The following LGI2 variants were observed in gnomAD, a reference collection of about 807,000 sequenced individuals.
LGI2 encodes leucine-rich repeat LGI family member 2.
Under a neutral mutation model 52.0 loss-of-function variants are expected in LGI2, and 30 were observed. The ratio of observed to expected loss-of-function variants is 0.58; its 90% CI spans 0.43 to 0.78. LGI2 has a LOEUF of 0.78. Ranked by LOEUF, LGI2 falls within the 30% of genes least tolerant of loss-of-function variation. The pLI, the probability that LGI2 is intolerant of heterozygous loss-of-function variation, is 0.00. For synonymous variants in LGI2, 270 were observed against 271.8 expected (o/e 0.99, Z 0.06); for missense variants, 573 against 692.5 (o/e 0.83, Z 1.94).
downstream of LGI2, among the ~76,000 whole-genome samples, chr4:24,997,148 C>A (rs1438831586): frequency 1.3e-5 from 2 of 152,194 alleles, no homozygotes; most frequent in East Asian, 3.8e-4. Context: ...GCCAATTAGA[C>A]CCTGGTTAGG....
chr4:25,015,654 G>A (rs1725733624), intron 6 of LGI2, among the ~76,000 whole-genome samples: 1 of 152,158 alleles, frequency 6.6e-6, no homozygotes, highest in South Asian at 2.1e-4. Flanking sequence ...ACTGTACCAT[G>A]AACTCTCGAC....
Position 24,999,517 on chromosome 4 carries a change from G to T in LGI2, c.*3934C>A. ...TTCCACTCCAGGAAGCTGTTGAACA[G>T]AATCTTTGGCCGCTGCCTAATTAAA... On this transcript the variant is annotated 3_prime_UTR_variant, in exon 8 of 8. Coordinates refer to ENST00000382114, the MANE Select transcript of LGI2 (RefSeq NM_018176.4). The T allele has an allele frequency of 4.4e-6, 1 of 229,802 alleles. No individual in the cohort carries two copies. Among genetic ancestry groups the T allele is most frequent in the Non-Finnish European group, 8.6e-6 (1 of 115,882 alleles). 14.2% of individuals were successfully genotyped at this position (229,802 alleles called of 1,614,324 possible).
chr4:25,003,692 G>T lies in LGI2; in HGVS notation c.1397C>A (p.Thr466Asn). The change falls in exon 8 of 8, where the codon ACC becomes AAC. Residue 466 changes from threonine (T) to asparagine (N), a missense_variant. Transcript: ENST00000382114. ...ATCTTTAAAAGAAAAGGGCTGCAGG[G>T]TCATGGCCCCCCGGGATGGAAGAGC... ...IQALPSRGAMTLQPFSFKDNH... is the reference protein window; with the variant it reads ...IQALPSRGAMNLQPFSFKDNH... 1 of 1,614,184 alleles carries T rather than the reference G, an allele frequency of 6.2e-7. No homozygotes were observed. Among genetic ancestry groups the T allele is most frequent in the Non-Finnish European group, 8.5e-7 (1 of 1,180,034 alleles).
At chr4:25,006,113 C>T (rs1449793543) in intron 7 of LGI2, among the ~76,000 whole-genome samples, 1 of 152,204 alleles carries the variant, frequency 6.6e-6, no homozygotes, top group Admixed American at 6.5e-5. Context: ...CCATAGTGGG[C>T]ATGCATAAGT....
chr4:24,992,675 C>T, the LGI2 span, among the ~76,000 whole-genome samples: 1 of 152,136 alleles, frequency 6.6e-6, no homozygotes, highest in Non-Finnish European at 1.5e-5. Context: ...AAGAGCGAAA[C>T]TCTGTCTCAA....
At chr4:25,017,597 A>G (rs1403754989) in intron 6 of LGI2, among the ~76,000 whole-genome samples, 1 of 151,456 alleles carries the variant, frequency 6.6e-6, no homozygotes, top group Non-Finnish European at 1.5e-5. Context: ...TAAATGTCCA[A>G]TGAACATCTT....
intron 4 of LGI2, among the ~76,000 whole-genome samples, chr4:25,022,204 G>T (rs1725989196): frequency 6.6e-6 from 1 of 152,186 alleles, no homozygotes; most frequent in South Asian, 2.1e-4. Context: ...TAAAGTGCTG[G>T]CTGCATGAAG....
chr4:25,004,139 T>A lies in LGI2; in HGVS notation c.950A>T (p.Asp317Val). 1 of 1,614,160 alleles carries A rather than the reference T, an allele frequency of 6.2e-7. No individual in the cohort carries two copies. ...ESWTKFVKFQ[D>V]IEVSRISKPN... Reference sequence around the variant, plus strand: ...CTTGGAAATGCGAGAGACCTCTATGTCTTGGAATTTGACAAATTTGGTCCA... The same window carrying A: ...CTTGGAAATGCGAGAGACCTCTATGACTTGGAATTTGACAAATTTGGTCCA... The change falls in exon 8 of 8, where the codon GAC (aspartate) becomes GTC (valine). Residue 317 changes from aspartate (D) to valine (V), a missense_variant. By Grantham distance (152) the Asp-to-Val change is radical (BLOSUM62 -3). Transcript: ENST00000382114. The surrounding 1 kb of genome is among the most constrained non-coding windows in gnomAD (Gnocchi z 4.6).
chr4:25,024,915 A>C (rs761022100), intron 3 of LGI2, 24 bp from the exon 4 acceptor site: 1 of 1,526,132 alleles, frequency 6.6e-7, no homozygotes, highest in South Asian at 1.2e-5. Flanking sequence ...TTGTATAATT[A>C]AAATGAATTT....
At chr4:25,015,259 C>A (rs966828102) in intron 6 of LGI2, among the ~76,000 whole-genome samples, 1 of 152,192 alleles carries the variant, frequency 6.6e-6, no homozygotes. Context: ...TTTCTCTGTG[C>A]ATTTTCATCA....
At chr4:25,013,593 G>A (rs1725658541) in intron 6 of LGI2, among the ~76,000 whole-genome samples, 1 of 152,206 alleles carries the variant, frequency 6.6e-6, no homozygotes. Flanking sequence ...TTAGTTACAT[G>A]ACCTTTGGCA....
chr4:25,013,547 C>T (rs150785753), intron 6 of LGI2, among the ~76,000 whole-genome samples: 1 of 152,324 alleles, frequency 6.6e-6, no homozygotes, highest in African/African-American at 2.4e-5. Context: ...AGGGCTAAGG[C>T]ACTGGGATCC....
In LGI2 at chr4:25,004,850, A is replaced by G. The variant is rs1198415144; in HGVS notation, c.821-582T>C. On this transcript the variant is annotated intron_variant, in intron 7 of 7. Transcript: ENST00000382114. The surrounding 1 kb of genome is among the most constrained non-coding windows in gnomAD (Gnocchi z 4.6). ...AGCCCAAACAGACTAAGACACCTAT[A>G]ACATCATCCTTCACAATAGCCGAAA... 6.6e-6 allele frequency among the ~76,000 whole-genome samples: 1 copy of G among 152,222 alleles called. No homozygotes were observed. The highest frequency in any genetic ancestry group is 2.4e-5 in the African/African-American group (1 of 41,454).
chr4:25,013,058 C>A (rs1023035199), intron 6 of LGI2, among the ~76,000 whole-genome samples: 1 of 152,278 alleles, frequency 6.6e-6, no homozygotes, highest in Non-Finnish European at 1.5e-5. Flanking sequence ...CCCCACTGCA[C>A]GTTCAGAATG....
downstream of LGI2, among the ~76,000 whole-genome samples, chr4:24,996,570 G>A (rs1023933935): frequency 5.9e-5 from 9 of 152,206 alleles, no homozygotes; most frequent in Non-Finnish European, 1.0e-4. Flanking sequence ...TGGGGCCCGG[G>A]ACAAGCATCA....
intron 2 of LGI2, among the ~76,000 whole-genome samples, chr4:25,028,138 T>C (rs769383760): frequency 3.8e-4 from 58 of 152,356 alleles, no homozygotes; most frequent in Admixed American, 1.8e-3. Flanking sequence ...AACACTCCTA[T>C]TTCCAGAGTA....
Position 24,999,676 on chromosome 4 carries a change from A to G in LGI2, c.*3775T>C. ...CAGATCTTCATCTCACCTTCATTAT[A>G]CCCCAGGCCAGAGAAATTTCCATCA... On this transcript the variant is annotated 3_prime_UTR_variant, in exon 8 of 8. Coordinates refer to ENST00000382114, the MANE Select transcript of LGI2 (RefSeq NM_018176.4). 2.9e-6 allele frequency: 1 copy of G among 346,780 alleles called. No individual in the cohort carries two copies. Among genetic ancestry groups the G allele is most frequent in the Admixed American group, 3.8e-5 (1 of 26,550 alleles). The allele number at this position is 346,780 out of a possible 1,614,324, so 21.5% of individuals were successfully genotyped here.
At position 25,003,461 on chromosome 4, in the gene LGI2, A is replaced by G; in HGVS notation, c.1628T>C (p.Leu543Ser). The G allele has an allele frequency of 6.3e-7, 1 of 1,579,978 alleles. No individual in the cohort carries two copies. Among genetic ancestry groups the G allele is most frequent in the Non-Finnish European group, 8.6e-7 (1 of 1,166,094 alleles). Residue 543 changes from leucine (L) to serine (S), a missense_variant, in exon 8 of 8, where the codon TTA becomes TCA. By Grantham distance (145) the Leu-to-Ser change is moderately radical. Coordinates refer to ENST00000382114, the MANE Select transcript of LGI2 (RefSeq NM_018176.4). ...TKIFEHIIVD[L>S]SL ...TCACCCACCACACCTTCACAAACTT[A>G]AGTCAACAATTATATGTTCAAAAAT...
rs560888473 is a variant in LGI2, at chr4:25,004,924, G to T, written c.821-656C>A. On this transcript the variant is annotated intron_variant, in intron 7 of 7. Transcript: ENST00000382114. The surrounding 1 kb of genome is among the most constrained non-coding windows in gnomAD (Gnocchi z 4.6). The stretch of plus-strand genomic sequence containing the variant: ...CAATGGACAAATAGATAGACAAAAT[G>T]TGGCATATACATAAAATGGAATATT... 1.3e-5 allele frequency among the ~76,000 whole-genome samples: 2 copies of T among 152,176 alleles called. No homozygotes were observed. The highest frequency in any genetic ancestry group is 2.9e-5 in the Non-Finnish European group (2 of 68,040).
Sources: allele counts gnomAD v4.1 joint callset (sites outside exome capture counted in the v4.1 genomes callset), GRCh38; gene constraint gnomAD v4.1.1; non-coding constraint Gnocchi (gnomAD v3.1); transcripts MANE v1.5; gene names NCBI Gene and HGNC (gene_info 2026-07-23, HGNC 2026-07-21).